AGO4: variants seen among roughly 807,000 people sequenced by gnomAD.
AGO4 encodes argonaute RISC component 4, also known as protein argonaute-4.
AGO4 carries 33 observed loss-of-function variants against 104.7 expected under a neutral mutation model. The observed-to-expected ratio is 0.32, with a 90% CI of 0.24 to 0.42. The LOEUF is 0.42. AGO4 is among the 10% of genes least tolerant of loss of function. The pLI is 1.00. For missense variants in AGO4, 711 were observed against 1,083.4 expected (o/e 0.66, Z 4.83); for synonymous variants, 331 against 364.7 (o/e 0.91, Z 1.05).
chr1:35,840,408 T>C (rs1333051011), intron 13 of AGO4, among the ~76,000 whole-genome samples: 1 of 152,110 alleles, frequency 6.6e-6, no homozygotes, highest in East Asian at 1.9e-4. Flanking sequence ...GTGATCTGCC[T>C]GCCTCAGCCT....
Position 35,808,369 on chromosome 1 carries a change from G to C in AGO4, c.-48G>C. Reference sequence around the variant, plus strand: ...GGCGGCGGCGGCGGCGGCGGGGCCCGGAGCGGGAGGCGCCGGGGACCGGGG... The same window carrying C: ...GGCGGCGGCGGCGGCGGCGGGGCCCCGAGCGGGAGGCGCCGGGGACCGGGG... On this transcript the variant is annotated 5_prime_UTR_variant, in exon 1 of 18. Transcript: ENST00000373210. The surrounding 1 kb of genome is among the most constrained non-coding windows in gnomAD (Gnocchi z 5.2). 2.0e-6 allele frequency: 2 copies of C among 1,019,492 alleles called. No homozygotes were observed. The highest frequency in any genetic ancestry group is 1.2e-6 in the Non-Finnish European group (1 of 852,356). The allele number at this position is 1,019,492 out of a possible 1,614,324, so 63.2% of individuals were successfully genotyped here. A position where few individuals can be genotyped will look rare whatever the true frequency, so the allele number is the denominator to read the frequency against.
intron 3 of AGO4, 85 bp downstream of exon 3, chr1:35,823,067 C>CA: frequency 6.7e-7 from 1 of 1,482,168 alleles, no homozygotes; most frequent in Non-Finnish European, 9.2e-7. Flanking sequence ...CCAACACACA[C>CA]AAAAAACATA....
Position 35,831,127 on chromosome 1 carries a change from C to T in AGO4, c.849-300C>T, listed in dbSNP as rs922562441. Among the ~76,000 whole-genome samples, 13 of 151,860 alleles carry T rather than the reference C, an allele frequency of 8.6e-5. No homozygotes were observed. The Middle Eastern group carries it at 0.01, about 119-fold the overall frequency. On this transcript the variant is annotated intron_variant, in intron 7 of 17. Coordinates refer to ENST00000373210, the MANE Select transcript of AGO4 (RefSeq NM_017629.4). ...CTGTAATCCCAGCACTTTGGGAGGC[C>T]GAGGTGGGCGGATCACTTGAGGTCA...
intron 13 of AGO4, among the ~76,000 whole-genome samples, chr1:35,836,743 C>T (rs754532282): frequency 5.9e-5 from 9 of 152,186 alleles, no homozygotes; most frequent in Non-Finnish European, 1.3e-4. Context: ...TACAATTCTA[C>T]ATTTTTGGTG....
chr1:35,827,772 T>A (rs1418080253), intron 7 of AGO4, among the ~76,000 whole-genome samples: 5 of 149,930 alleles, frequency 3.3e-5, no homozygotes, highest in Non-Finnish European at 7.4e-5. Flanking sequence ...AGCTTTTTTT[T>A]ATTATACTGT....
At chr1:35,829,028 C>CG (rs1644108459) in intron 7 of AGO4, among the ~76,000 whole-genome samples, 2 of 150,032 alleles carry the variant, frequency 1.3e-5, no homozygotes. Context: ...AGAGCCCCCC[C>CG]CCCCACACAC....
intron 6 of AGO4, 63 bp from the exon 7 acceptor site, chr1:35,826,685 G>A: frequency 7.5e-7 from 1 of 1,334,668 alleles, no homozygotes; most frequent in Non-Finnish European, 1.1e-6. Context: ...GACAACATTT[G>A]AATCTGTTTT....
At chr1:35,817,138 G>C (rs1643736752) in intron 2 of AGO4, 91 bp downstream of exon 2, 2 of 1,306,816 alleles carry the variant, frequency 1.5e-6, no homozygotes, top group African/African-American at 3.1e-5. Context: ...CCAACATGTA[G>C]GCTTTGTTAT....
At position 35,831,518 on chromosome 1, in the gene AGO4, C is replaced by A. The variant is rs373177705; in HGVS notation, c.940C>A (p.His314Asn). 88 of 1,613,990 alleles carry A rather than the reference C, an allele frequency of 5.5e-5. No homozygotes were observed. Among genetic ancestry groups the A allele is most frequent in the Non-Finnish European group, 6.9e-5 (81 of 1,180,018 alleles). ...QKYSLQLKYP[H>N]LPCLQVGQEQ... ...GTATAGTCTGCAACTGAAATACCCC[C>A]ATCTTCCCTGTCTCCAAGTGGGACA... The change falls in exon 8 of 18, where the codon CAT becomes AAT. Residue 314 changes from histidine to asparagine, a missense_variant. Coordinates refer to ENST00000373210, the MANE Select transcript of AGO4 (RefSeq NM_017629.4).
At position 35,854,138 on chromosome 1, in the gene AGO4, AAGTTTTACAG is replaced by A. The variant is rs1243450637; in HGVS notation, c.*541_*550del. ...GCCTTTAATGAGCATTAATTTTTGA[AAGTTTTACAG>A]AGTTTTATTAGTTTTACTACTTTAT... On this transcript the variant is annotated 3_prime_UTR_variant, in exon 18 of 18. Transcript: ENST00000373210. 1.3e-5 allele frequency: 2 copies of A among 152,330 alleles called. No individual in the cohort carries two copies. The allele number at this position is 152,330 out of a possible 1,614,324, so 9.4% of individuals were successfully genotyped here.
chr1:35,807,663 G>A (rs1340763814), upstream of AGO4, among the ~76,000 whole-genome samples: 1 of 152,182 alleles, frequency 6.6e-6, no homozygotes, highest in Non-Finnish European at 1.5e-5. Context: ...TACGGAGAGG[G>A]ACGCGCAGTT....
intron 2 of AGO4, among the ~76,000 whole-genome samples, chr1:35,818,295 G>T (rs947418426): frequency 2.0e-5 from 3 of 152,130 alleles, no homozygotes; most frequent in Non-Finnish European, 2.9e-5. Context: ...TCTGCATGAA[G>T]AGTGTCCCAG....
At chr1:35,824,139 TA>T (rs1481231429) in intron 3 of AGO4, among the ~76,000 whole-genome samples, 4 of 152,168 alleles carry the variant, frequency 2.6e-5, no homozygotes, top group Admixed American at 1.3e-4. Flanking sequence ...TTTAAACATT[TA>T]TTTTTTTTAA....
intron 1 of AGO4, among the ~76,000 whole-genome samples, chr1:35,811,211 C>G (rs1380505679): frequency 6.8e-6 from 1 of 147,216 alleles, no homozygotes; most frequent in Non-Finnish European, 1.5e-5. Context: ...CAGTGGCTCA[C>G]GCCTGAAATC....
rs1390911505 is a variant in AGO4 at position 35,855,407 on chromosome 1, G to A, written c.*1802G>A. The A allele has an allele frequency of 1.3e-5, 2 of 152,588 alleles. No homozygotes were observed. Among genetic ancestry groups the A allele is most frequent in the Non-Finnish European group, 2.9e-5 (2 of 68,046 alleles). 9.5% of individuals were successfully genotyped at this position (152,588 alleles called of 1,614,324 possible). A position where few individuals can be genotyped will look rare whatever the true frequency, so the allele number is the denominator to read the frequency against. Reference sequence around the variant, plus strand: ...TATAAAGCACTGTTTTTCTTCAGTCGTTTAAATAAACTTGTAAATACATTG... The same window carrying A: ...TATAAAGCACTGTTTTTCTTCAGTCATTTAAATAAACTTGTAAATACATTG... On this transcript the variant is annotated 3_prime_UTR_variant, in exon 18 of 18. Transcript: ENST00000373210.
chr1:35,850,412 G>A (rs1465756892), intron 16 of AGO4, among the ~76,000 whole-genome samples, 154 bp downstream of exon 16: 2 of 152,090 alleles, frequency 1.3e-5, no homozygotes, highest in East Asian at 3.8e-4. Context: ...CTGCTTGTAG[G>A]TGTGCTAGGC....
chr1:35,826,674 A>T, intron 6 of AGO4, 74 bp from the exon 7 acceptor site: 1 of 1,258,634 alleles, frequency 7.9e-7, no homozygotes, highest in Non-Finnish European at 1.1e-6. Flanking sequence ...GACATTTTGA[A>T]GACAACATTT....
chr1:35,823,345 C>A (rs1643929232), intron 3 of AGO4, among the ~76,000 whole-genome samples: 1 of 151,940 alleles, frequency 6.6e-6, no homozygotes. Context: ...CTCTGCCTCC[C>A]AGATTCAAGT....
chr1:35,850,077 A>G, intron 15 of AGO4, 80 bp from the exon 16 acceptor site: 1 of 888,376 alleles, frequency 1.1e-6, no homozygotes, highest in Non-Finnish European at 1.8e-6. Context: ...ACTTGCTCCC[A>G]ATTAACACAC....
Sources: allele counts gnomAD v4.1 joint callset (sites outside exome capture counted in the v4.1 genomes callset), GRCh38; gene constraint gnomAD v4.1.1; non-coding constraint Gnocchi (gnomAD v3.1); transcripts MANE v1.5; gene names NCBI Gene and HGNC (gene_info 2026-07-23, HGNC 2026-07-21).